Variants in NTM observed in about 807,000 individuals in gnomAD.
The protein encoded by NTM is neurotrimin.
NTM carries 13 observed loss-of-function variants against 42.1 expected under a neutral mutation model. The observed-to-expected ratio is 0.31, with a 90% confidence interval of 0.20 to 0.49. NTM has a LOEUF of 0.49. Among genes scored for constraint, NTM ranks in the 20% least tolerant of loss-of-function variants. The probability of loss-of-function intolerance (pLI) is 0.99; values close to 1 mark genes in which losing one functional copy is unlikely to be tolerated. For synonymous variants in NTM, 187 were observed against 179.2 expected (o/e 1.04, Z -0.35); for missense variants, 373 against 452.8 (o/e 0.82, Z 1.60).
chr11:132,314,025 TTAAG>T (rs1350863568), intron 6 of NTM, among the ~76,000 whole-genome samples: 8 of 152,130 alleles, frequency 5.3e-5, no homozygotes, highest in African/African-American at 1.9e-4. Context: ...AGCCAAAAAA[TTAAG>T]TATTATCTAT....
chr11:131,850,354 C>G (rs1366884910), intron 1 of NTM, among the ~76,000 whole-genome samples: 1 of 152,280 alleles, frequency 6.6e-6, no homozygotes, highest in South Asian at 2.1e-4. Context: ...CTAGCACTAT[C>G]TCTTTGCCTT....
intron 2 of NTM, among the ~76,000 whole-genome samples, chr11:132,041,231 T>TAG (rs10598969): frequency 0.035 from 5,069 of 145,504 alleles, 129 homozygotes; most frequent in South Asian, 0.14. Flanking sequence ...GAGAGATAGA[T>TAG]AGAGAGAGAG....
intron 1 of NTM, among the ~76,000 whole-genome samples, chr11:131,686,095 TACAGGCC>T (rs1188043961): frequency 6.6e-6 from 1 of 152,174 alleles, no homozygotes; most frequent in Non-Finnish European, 1.5e-5. Context: ...ACCAGAGAGC[TACAGGCC>T]ACAGGCCACA....
chr11:132,055,612 C>T (rs1187227426), intron 2 of NTM, among the ~76,000 whole-genome samples: 2 of 151,654 alleles, frequency 1.3e-5, no homozygotes, highest in East Asian at 1.9e-4. Flanking sequence ...AGGGTATTTC[C>T]AAGCAAAGAG....
At chr11:131,530,093 C>T (rs1468713126) in intron 1 of NTM, among the ~76,000 whole-genome samples, 1 of 152,168 alleles carries the variant, frequency 6.6e-6, no homozygotes, top group East Asian at 1.9e-4. Context: ...ATCTTAAAAT[C>T]CTTCCACACG....
intron 2 of NTM, among the ~76,000 whole-genome samples, chr11:131,952,918 C>A (rs1194603815): frequency 1.3e-5 from 2 of 152,158 alleles, no homozygotes; most frequent in Non-Finnish European, 2.9e-5. Flanking sequence ...AAAGGAAAGG[C>A]ACCTTAGAGA....
intron 1 of NTM, among the ~76,000 whole-genome samples, chr11:131,846,284 G>A (rs192123088): frequency 6.6e-6 from 1 of 152,194 alleles, no homozygotes. Flanking sequence ...AGGCATAAGA[G>A]TTTTGTTGTT....
At chr11:131,417,027 G>C (rs930393825) in intron 1 of NTM, among the ~76,000 whole-genome samples, 4 of 152,148 alleles carry the variant, frequency 2.6e-5, no homozygotes, top group Non-Finnish European at 2.9e-5. Flanking sequence ...TGTACAATGA[G>C]GATATTTGTA....
intron 4 of NTM, among the ~76,000 whole-genome samples, chr11:132,295,156 A>C (rs2094569407): frequency 6.6e-6 from 1 of 152,038 alleles, no homozygotes; most frequent in African/African-American, 2.4e-5. Context: ...ACACACACAC[A>C]CAGACACACA....
intron 1 of NTM, among the ~76,000 whole-genome samples, chr11:131,697,674 C>T (rs1565439536): frequency 6.6e-6 from 1 of 152,156 alleles, no homozygotes; most frequent in Non-Finnish European, 1.5e-5. Flanking sequence ...TTTCAAAACT[C>T]TATATACTAG....
chr11:131,513,558 T>G (rs2048522354), intron 1 of NTM, among the ~76,000 whole-genome samples: 1 of 152,234 alleles, frequency 6.6e-6, no homozygotes, highest in African/African-American at 2.4e-5. Flanking sequence ...AGCGGCTTCC[T>G]TCCCAAGTCC....
chr11:131,385,731 C>T (rs1943235790), intron 1 of NTM, among the ~76,000 whole-genome samples: 1 of 152,128 alleles, frequency 6.6e-6, no homozygotes. Flanking sequence ...GAGGTGCACA[C>T]CTGTAGTCCC....
chr11:132,124,396 G>A (rs1241488329), intron 2 of NTM, among the ~76,000 whole-genome samples: 2 of 152,142 alleles, frequency 1.3e-5, no homozygotes, highest in East Asian at 1.9e-4. Context: ...GCACAGTGCC[G>A]CCCTGTTGGA....
intron 1 of NTM, among the ~76,000 whole-genome samples, chr11:131,504,091 C>T (rs910864212): frequency 6.6e-6 from 1 of 152,192 alleles, no homozygotes; most frequent in Non-Finnish European, 1.5e-5. Context: ...ATCCAGGGCT[C>T]CCTGGCCCCA....
chr11:132,275,883 T>A (rs1169653618), intron 4 of NTM, among the ~76,000 whole-genome samples: 2 of 151,534 alleles, frequency 1.3e-5, no homozygotes, highest in Non-Finnish European at 2.9e-5. Context: ...TATATAATAT[T>A]TTACTGTTAA....
intron 2 of NTM, among the ~76,000 whole-genome samples, chr11:131,956,145 A>G (rs1269872613): frequency 5.3e-5 from 8 of 152,124 alleles, no homozygotes; most frequent in Non-Finnish European, 1.0e-4. Flanking sequence ...CATTAGCCGC[A>G]CTATAGAGAC....
chr11:131,502,066 G>A (rs145242338), intron 1 of NTM, among the ~76,000 whole-genome samples: 2,105 of 152,264 alleles, frequency 0.014, 20 homozygotes, highest in Non-Finnish European at 0.021. Flanking sequence ...TGGTATTAAA[G>A]TGCCCAACTA....
intron 2 of NTM, among the ~76,000 whole-genome samples, chr11:131,944,932 C>T (rs964666964): frequency 2.0e-5 from 3 of 152,106 alleles, no homozygotes; most frequent in South Asian, 2.1e-4. Flanking sequence ...TAAGTAAATG[C>T]GTTTTATCAT....
intron 2 of NTM, among the ~76,000 whole-genome samples, chr11:132,117,830 A>G (rs2064121958): frequency 1.3e-5 from 2 of 152,192 alleles, no homozygotes; most frequent in African/African-American, 4.8e-5. Context: ...ATAAATGAGC[A>G]TTGTACAGAA....
Sources: gnomAD v4.1 joint callset for allele counts (sites outside exome capture counted in the v4.1 genomes callset) on GRCh38, gnomAD v4.1.1 for gene constraint, MANE v1.5 for transcripts, NCBI Gene and HGNC (gene_info 2026-07-23, HGNC 2026-07-21) for gene names.